Variants in PLXDC2 observed in about 807,000 individuals in gnomAD.
The protein encoded by PLXDC2 is plexin domain-containing protein 2.
In PLXDC2, 40 loss-of-function variants were observed where a neutral mutation model predicts 68.9. The observed-to-expected ratio is 0.58, with a 90% CI of 0.45 to 0.76. PLXDC2 has a LOEUF of 0.76. Ranked by LOEUF, PLXDC2 falls within the 30% of genes least tolerant of loss-of-function variation. The pLI, the probability that PLXDC2 is intolerant of heterozygous loss-of-function variation, is 0.00. For missense variants in PLXDC2, 644 were observed against 661.9 expected (o/e 0.97, Z 0.30); for synonymous variants, 243 against 234.2 (o/e 1.04, Z -0.34).
intron 12 of PLXDC2, among the ~76,000 whole-genome samples, chr10:20,244,741 A>G (rs181405184): frequency 6.6e-6 from 1 of 152,324 alleles, no homozygotes; most frequent in Non-Finnish European, 1.5e-5. Context: ...AGTTAAATTT[A>G]GTGTGTAGTT....
intron 1 of PLXDC2, among the ~76,000 whole-genome samples, chr10:19,903,684 C>T: frequency 6.9e-6 from 1 of 144,470 alleles, no homozygotes; most frequent in African/African-American, 2.6e-5. Flanking sequence ...TCATTTAGTT[C>T]TGCTCTCATC....
At chr10:20,077,743 G>A (rs1214965320) in intron 4 of PLXDC2, among the ~76,000 whole-genome samples, 1 of 152,064 alleles carries the variant, frequency 6.6e-6, no homozygotes, top group Non-Finnish European at 1.5e-5. Flanking sequence ...ATAAAATTAA[G>A]ATAATTTAGA....
At chr10:20,021,936 A>G (rs372097415) in intron 2 of PLXDC2, among the ~76,000 whole-genome samples, 4 of 152,140 alleles carry the variant, frequency 2.6e-5, no homozygotes, top group East Asian at 3.9e-4. Context: ...TGACCTCGTG[A>G]TCCGCCCACC....
intron 5 of PLXDC2, among the ~76,000 whole-genome samples, chr10:20,144,640 G>T (rs1001311522): frequency 4.6e-5 from 7 of 152,164 alleles, no homozygotes; most frequent in Admixed American, 3.9e-4. Context: ...CAAGTGGACT[G>T]TAAGTACACT....
intron 13 of PLXDC2, among the ~76,000 whole-genome samples, chr10:20,268,924 T>C (rs1835902914): frequency 6.6e-6 from 1 of 152,228 alleles, no homozygotes; most frequent in South Asian, 2.1e-4. Context: ...ATGATTTGGG[T>C]AGAAAATAAC....
chr10:19,839,183 T>C, intron 1 of PLXDC2, among the ~76,000 whole-genome samples: 1 of 118,346 alleles, frequency 8.4e-6, no homozygotes, highest in South Asian at 3.1e-4. Flanking sequence ...CGAAACTCAG[T>C]CTCAAAAAAA....
intron 1 of PLXDC2, among the ~76,000 whole-genome samples, chr10:19,901,536 C>G (rs1374032104): frequency 6.6e-6 from 1 of 151,810 alleles, no homozygotes; most frequent in Non-Finnish European, 1.5e-5. Flanking sequence ...TTGTTTTTTT[C>G]TTGCTGATTT....
chr10:20,012,886 C>T (rs1835143391), intron 2 of PLXDC2, among the ~76,000 whole-genome samples: 1 of 152,186 alleles, frequency 6.6e-6, no homozygotes, highest in African/African-American at 2.4e-5. Flanking sequence ...AACAAAAGTA[C>T]TGAACTTGGC....
chr10:20,176,770 T>A (rs1372391580), intron 7 of PLXDC2, among the ~76,000 whole-genome samples: 1 of 152,098 alleles, frequency 6.6e-6, no homozygotes, highest in Non-Finnish European at 1.5e-5. Context: ...AATAGGTAAG[T>A]GAGATATCTG....
At chr10:19,878,192 T>TG (rs397751545) in intron 1 of PLXDC2, among the ~76,000 whole-genome samples, 1 of 150,794 alleles carries the variant, frequency 6.6e-6, no homozygotes, top group Non-Finnish European at 1.5e-5. Context: ...TATTTTTTTT[T>TG]ATCAGACTCT....
intron 2 of PLXDC2, among the ~76,000 whole-genome samples, chr10:20,029,991 T>G (rs757901043): frequency 7.2e-5 from 11 of 152,176 alleles, no homozygotes; most frequent in Non-Finnish European, 1.3e-4. Flanking sequence ...AATTCTTATT[T>G]AGAAAGCAGT....
intron 7 of PLXDC2, among the ~76,000 whole-genome samples, chr10:20,169,955 A>G (rs747567874): frequency 9.9e-5 from 15 of 152,178 alleles, no homozygotes; most frequent in African/African-American, 2.9e-4. Context: ...TCTTCGTATC[A>G]GTATCTACTG....
chr10:19,916,001 G>A (rs1010292295), intron 1 of PLXDC2, among the ~76,000 whole-genome samples: 5 of 151,970 alleles, frequency 3.3e-5, no homozygotes, highest in African/African-American at 7.3e-5. Flanking sequence ...GTGCTTTCAT[G>A]TGTACCTCTC....
chr10:19,895,606 A>G (rs1326233208), intron 1 of PLXDC2, among the ~76,000 whole-genome samples: 2 of 152,158 alleles, frequency 1.3e-5, no homozygotes, highest in Non-Finnish European at 2.9e-5. Flanking sequence ...CACTTACAGC[A>G]CATCTCATTT....
chr10:19,849,897 T>C (rs1319416175), intron 1 of PLXDC2, among the ~76,000 whole-genome samples: 1 of 152,166 alleles, frequency 6.6e-6, no homozygotes, highest in Non-Finnish European at 1.5e-5. Flanking sequence ...AGTAGAGATT[T>C]TCCAAAGTTC....
rs1259473226 is a variant in PLXDC2 at position 20,287,862 on chromosome 10, A to G, written c.*8043A>G. The G allele has an allele frequency of 6.6e-6, 1 of 151,684 alleles. No individual in the cohort carries two copies. The highest frequency in any genetic ancestry group is 1.5e-5 in the Non-Finnish European group (1 of 68,008). The allele number at this position is 151,684 out of a possible 1,614,324, so 9.4% of individuals were successfully genotyped here. A position where few individuals can be genotyped will look rare whatever the true frequency, so the allele number is the denominator to read the frequency against. ...AAGGAGAGAGTCTTTTTTATATGCC[A>G]GCTGGGATCATGGGAACTTCGAATG... On this transcript the variant is annotated 3_prime_UTR_variant, in exon 14 of 14. Coordinates refer to ENST00000377252, the MANE Select transcript of PLXDC2 (RefSeq NM_032812.9).
At chr10:20,073,060 C>CCTGGG (rs902391113) in intron 4 of PLXDC2, among the ~76,000 whole-genome samples, 47 of 152,144 alleles carry the variant, frequency 3.1e-4, no homozygotes, top group African/African-American at 1.1e-3. Context: ...TCTAAATAGA[C>CCTGGG]CTGGGCTGGG....
chr10:20,030,570 A>G (rs1835486283), intron 2 of PLXDC2, among the ~76,000 whole-genome samples: 1 of 152,214 alleles, frequency 6.6e-6, no homozygotes, highest in Admixed American at 6.5e-5. Flanking sequence ...TCCAGAGAGC[A>G]AAGGGTAGGC....
rs573762782 is a variant in PLXDC2 at position 20,183,898 on chromosome 10, T to C, written c.1061+6489T>C. On this transcript the variant is annotated intron_variant, in intron 9 of 13. Coordinates refer to ENST00000377252, the MANE Select transcript of PLXDC2 (RefSeq NM_032812.9). ...TGTTGAACACTTAACCTCTTGGTGT[T>C]AGTCTTTTGGTGCCTCACTTTAAAA... is the stretch of plus-strand genomic sequence containing the variant. 2.6e-5 allele frequency among the ~76,000 whole-genome samples: 4 copies of C among 152,130 alleles called. No individual in the cohort carries two copies. The South Asian group carries it at 8.3e-4, about 32-fold the overall frequency.
Sources: gnomAD v4.1 joint callset for allele counts (sites outside exome capture counted in the v4.1 genomes callset) on GRCh38, gnomAD v4.1.1 for gene constraint, MANE v1.5 for transcripts, NCBI Gene and HGNC (gene_info 2026-07-23, HGNC 2026-07-21) for gene names.